PCP4: variants seen among roughly 807,000 people sequenced by gnomAD.
The protein encoded by PCP4 is Purkinje cell protein 4, also known as calmodulin regulator protein PCP4.
Under a neutral mutation model 10.0 loss-of-function variants are expected in PCP4, and 8 were observed. The ratio of observed to expected loss-of-function variants is 0.80; its 90% confidence interval spans 0.47 to 1.45. PCP4 has a LOEUF of 1.45. Ranked by LOEUF, PCP4 falls within the 40% of genes most tolerant of loss-of-function variation. The pLI is 0.00. For synonymous variants in PCP4, 21 were observed against 23.0 expected, an observed-to-expected ratio of 0.91 and a Z score of 0.24; for missense variants, 54 against 74.4, an observed-to-expected ratio of 0.73 and a Z score of 1.01.
intron 1 of PCP4, among the ~76,000 whole-genome samples, chr21:39,888,962 C>A (rs1398893226): frequency 6.6e-6 from 1 of 152,222 alleles, no homozygotes; most frequent in African/African-American, 2.4e-5. Context: ...GGAGACACCA[C>A]AGTCCTTTAA....
At chr21:39,923,148 T>C (rs767784329) in intron 2 of PCP4, among the ~76,000 whole-genome samples, 1 of 152,216 alleles carries the variant, frequency 6.6e-6, no homozygotes, top group African/African-American at 2.4e-5. Context: ...CTGGATGGCT[T>C]ACAAGGTGTT....
intron 1 of PCP4, among the ~76,000 whole-genome samples, chr21:39,897,919 G>A (rs985976370): frequency 6.6e-5 from 10 of 151,704 alleles, no homozygotes; most frequent in African/African-American, 4.8e-5. Flanking sequence ...GGTCGTGGGC[G>A]CCTGTAGTCC....
intron 2 of PCP4, chr21:39,916,323 C>T (rs1357351424): frequency 6.6e-6 from 1 of 152,194 alleles, no homozygotes; most frequent in African/African-American, 2.4e-5. Flanking sequence ...AAGATTACCC[C>T]TTTTCTTTAT....
intron 1 of PCP4, among the ~76,000 whole-genome samples, chr21:39,898,045 C>CAAA (rs780273912): frequency 0.047 from 3,387 of 72,344 alleles, 137 homozygotes; most frequent in African/African-American, 0.067. Context: ...GACTCAGTCT[C>CAAA]AAAAAAAAAA....
intron 2 of PCP4, among the ~76,000 whole-genome samples, chr21:39,903,957 T>C (rs542746989): frequency 6.6e-6 from 1 of 151,708 alleles, no homozygotes; most frequent in Admixed American, 6.6e-5. Context: ...GAAATGTTAA[T>C]GTACTGGGTA....
intron 1 of PCP4, among the ~76,000 whole-genome samples, chr21:39,870,889 A>G (rs1293275382): frequency 1.3e-5 from 2 of 152,194 alleles, no homozygotes; most frequent in East Asian, 1.9e-4. Flanking sequence ...AACTCAGTAC[A>G]AGGGCTGTGG....
chr21:39,925,844 C>G (rs573546861), intron 2 of PCP4, among the ~76,000 whole-genome samples: 1 of 152,134 alleles, frequency 6.6e-6, no homozygotes, highest in African/African-American at 2.4e-5. Context: ...CCTTGGGGAA[C>G]CTTGGCAGGC....
chr21:39,874,307 T>C (rs2087334097), intron 1 of PCP4, among the ~76,000 whole-genome samples: 1 of 152,188 alleles, frequency 6.6e-6, no homozygotes, highest in Non-Finnish European at 1.5e-5. Flanking sequence ...CTCTTCCTCG[T>C]AGTTCAAAAG....
At position 39,906,449 on chromosome 21, in the gene PCP4, T is replaced by C. The variant is rs920280773; in HGVS notation, c.61+7922T>C. Among the ~76,000 whole-genome samples, 1 of 152,134 alleles carries C rather than the reference T, an allele frequency of 6.6e-6. No homozygotes were observed. The highest frequency in any genetic ancestry group is 1.5e-5 in the Non-Finnish European group (1 of 68,014). On this transcript the variant is annotated intron_variant, in intron 2 of 2. Coordinates refer to ENST00000328619, the MANE Select transcript of PCP4 (RefSeq NM_006198.3). This position sits in a 1 kb window ranked among gnomAD's most constrained non-coding sequence, Gnocchi z 6.3. ...CTAATAATAGGGACAGCCATGATAG[T>C]TTTCAAAATTAAAACATCAAAGCAA...
intron 2 of PCP4, among the ~76,000 whole-genome samples, chr21:39,917,635 A>G (rs1348440124): frequency 6.6e-6 from 1 of 152,174 alleles, no homozygotes; most frequent in African/African-American, 2.4e-5. Context: ...GAACCTCAGG[A>G]AGGCAAATCT....
At position 39,929,202 on chromosome 21, in the gene PCP4, A is replaced by T; in HGVS notation, c.*91A>T. 2 of 1,294,008 alleles carry T rather than the reference A, an allele frequency of 1.5e-6. No homozygotes were observed. Among genetic ancestry groups the T allele is most frequent in the South Asian group, 2.8e-5 (2 of 70,772 alleles). 80.2% of individuals were successfully genotyped at this position (1,294,008 alleles called of 1,614,324 possible). On this transcript the variant is annotated 3_prime_UTR_variant, in exon 3 of 3. Coordinates refer to ENST00000328619, the MANE Select transcript of PCP4 (RefSeq NM_006198.3). ...AAGAACAACACCCTAGAGAGAAGTC[A>T]TCCACACACAATCCACACACGCATA...
rs539368536 is a variant in PCP4 at position 39,929,201 on chromosome 21, C to A, written c.*90C>A. 120 of 1,286,604 alleles carry A rather than the reference C, an allele frequency of 9.3e-5. No homozygotes were observed. The South Asian group carries it at 1.6e-3, about 17-fold the overall frequency. The allele number at this position is 1,286,604 out of a possible 1,614,324, so 79.7% of individuals were successfully genotyped here. A position where few individuals can be genotyped will look rare whatever the true frequency, so the allele number is the denominator to read the frequency against. ...AAAGAACAACACCCTAGAGAGAAGT[C>A]ATCCACACACAATCCACACACGCAT... On this transcript the variant is annotated 3_prime_UTR_variant, in exon 3 of 3. Transcript: ENST00000328619.
At chr21:39,884,414 G>C (rs541437634) in intron 1 of PCP4, among the ~76,000 whole-genome samples, 1 of 151,772 alleles carries the variant, frequency 6.6e-6, no homozygotes, top group Non-Finnish European at 1.5e-5. Flanking sequence ...CCCGACCTCA[G>C]GTGATCCGCC....
At chr21:39,919,510 T>C (rs923381027) in intron 2 of PCP4, among the ~76,000 whole-genome samples, 1 of 152,248 alleles carries the variant, frequency 6.6e-6, no homozygotes, top group Admixed American at 6.5e-5. Context: ...GACTATTATA[T>C]CCCAATTTAC....
chr21:39,878,209 G>A (rs1430036754), intron 1 of PCP4, among the ~76,000 whole-genome samples: 1 of 152,170 alleles, frequency 6.6e-6, no homozygotes, highest in East Asian at 1.9e-4. Context: ...GTGCCAGGAT[G>A]CATGGGTTAA....
At chr21:39,874,523 G>T (rs1006588952) in intron 1 of PCP4, among the ~76,000 whole-genome samples, 1 of 152,028 alleles carries the variant, frequency 6.6e-6, no homozygotes, top group African/African-American at 2.4e-5. Flanking sequence ...AATTTTATAT[G>T]ACCTCTGAGA....
intron 1 of PCP4, among the ~76,000 whole-genome samples, chr21:39,889,411 CTTTTTT>C (rs547540626): frequency 2.3e-5 from 2 of 85,694 alleles, no homozygotes; most frequent in Admixed American, 1.5e-4. Flanking sequence ...AAACCAAGTT[CTTTTTT>C]TTTTTTTTTT....
In PCP4 at chr21:39,872,492, G is replaced by A. The variant is rs75677730; in HGVS notation, c.9+4982G>A. On this transcript the variant is annotated intron_variant, in intron 1 of 2. Coordinates refer to ENST00000328619, the MANE Select transcript of PCP4 (RefSeq NM_006198.3). ...TAATTTAAAATGACTTTCTAGAAAG[G>A]TCTTCATACTGGGAGAAAAGAAGAA... 4.0e-3 allele frequency among the ~76,000 whole-genome samples: 613 copies of A among 152,234 alleles called. 5 individuals carry two copies. The highest frequency in any genetic ancestry group is 0.014 in the African/African-American group (588 of 41,524).
chr21:39,923,621 A>AT (rs2087607175), intron 2 of PCP4, among the ~76,000 whole-genome samples: 1 of 152,148 alleles, frequency 6.6e-6, no homozygotes, highest in Non-Finnish European at 1.5e-5. Flanking sequence ...GGCCAAAGTG[A>AT]TTTTCCAGTA....
Sources: allele counts gnomAD v4.1 joint callset (sites outside exome capture counted in the v4.1 genomes callset), GRCh38; gene constraint gnomAD v4.1.1; non-coding constraint Gnocchi (gnomAD v3.1); transcripts MANE v1.5; gene names NCBI Gene and HGNC (gene_info 2026-07-23, HGNC 2026-07-21).